Variants in PCDHGB3 observed in about 807,000 individuals in gnomAD.
The protein encoded by PCDHGB3 is protocadherin gamma subfamily B, 3, also known as protocadherin gamma-B3.
A neutral mutation model predicts 59.2 loss-of-function variants in PCDHGB3; 40 were observed. That is an observed-to-expected ratio of 0.68 (90% CI 0.52 to 0.88). PCDHGB3 has a LOEUF of 0.88. PCDHGB3 is among the 40% of genes least tolerant of loss of function. PCDHGB3 has a pLI of 0.00. For missense variants in PCDHGB3, 1,309 were observed against 1,187.9 expected, an observed-to-expected ratio of 1.10 and a Z score of -1.50; for synonymous variants, 581 against 503.6, an observed-to-expected ratio of 1.15 and a Z score of -2.06.
intron 1 of PCDHGB3, chr5:141,395,033 T>G: frequency 6.2e-7 from 1 of 1,614,140 alleles, no homozygotes; most frequent in Non-Finnish European, 8.5e-7. Context: ...CCTCACATTT[T>G]GTGGGTGTTG....
intron 1 of PCDHGB3, chr5:141,422,541 T>G: frequency 6.2e-7 from 1 of 1,613,992 alleles, no homozygotes; most frequent in Non-Finnish European, 8.5e-7. Context: ...CAGAAACTCA[T>G]GTCTGGCTGA....
At position 141,477,284 on chromosome 5, in the gene PCDHGB3, G is replaced by A. The variant is rs751714522; in HGVS notation, c.2416-17523G>A. 5.0e-6 allele frequency: 8 copies of A among 1,614,150 alleles called. No homozygotes were observed. The South Asian group carries it at 6.6e-5, about 13-fold the overall frequency. ...TGGCGAGAACGGGCTGGTGACCTGC[G>A]AAGTTCCACCGGGTCTCCCTTTCAG... On this transcript the variant is annotated intron_variant, in intron 1 of 3. Transcript: ENST00000576222. This position sits in a 1 kb window ranked among gnomAD's most constrained non-coding sequence, Gnocchi z 4.9.
At chr5:141,416,406 T>A (rs2096021956) in intron 1 of PCDHGB3, 1 of 152,224 alleles carries the variant, frequency 6.6e-6, no homozygotes, top group Admixed American at 6.5e-5. Context: ...TTGTCTTTTT[T>A]GTTAAATTTT....
rs1316573600 is a variant in PCDHGB3 at position 141,490,443 on chromosome 5, G to A, written c.2416-4364G>A. The A allele has an allele frequency of 1.2e-6, 2 of 1,614,174 alleles. No individual in the cohort carries two copies. Among genetic ancestry groups the A allele is most frequent in the Non-Finnish European group, 8.5e-7 (1 of 1,180,042 alleles). On this transcript the variant is annotated intron_variant, in intron 1 of 3. Coordinates refer to ENST00000576222, the MANE Select transcript of PCDHGB3 (RefSeq NM_018924.5). The surrounding 1 kb of genome is among the most constrained non-coding windows in gnomAD (Gnocchi z 5.4). ...TGCCATTTCAGATTAAGCCTTCTGA[G>A]AACCACTACTCGCTGCTAACCAGCC...
chr5:141,408,263 C>G, intron 1 of PCDHGB3: 1 of 1,606,854 alleles, frequency 6.2e-7, no homozygotes. Flanking sequence ...ATTTCCTTTG[C>G]TGCTGCCTTT....
intron 1 of PCDHGB3, chr5:141,377,804 G>A (rs1588845842): frequency 6.6e-6 from 1 of 152,230 alleles, no homozygotes; most frequent in Middle Eastern, 3.4e-3. Flanking sequence ...GTAACTATCT[G>A]TTATTTACTT....
chr5:141,414,519 T>C (rs754685087), intron 1 of PCDHGB3: 6 of 1,613,856 alleles, frequency 3.7e-6, no homozygotes, highest in Non-Finnish European at 5.1e-6. Context: ...AAGTGGCAGA[T>C]ATCAATGACA....
rs181480719 is a variant in PCDHGB3, at chr5:141,387,482, G to A, written c.2415+14673G>A. 5.3e-5 allele frequency among the ~76,000 whole-genome samples: 8 copies of A among 152,294 alleles called. No individual in the cohort carries two copies. The East Asian group carries it at 1.5e-3, about 29-fold the overall frequency. On this transcript the variant is annotated intron_variant, in intron 1 of 3. Coordinates refer to ENST00000576222, the MANE Select transcript of PCDHGB3 (RefSeq NM_018924.5). ...AAAAATCCTCAAAGTTGGGATGAAG[G>A]CATTCCTAAGAGTACATTTTTAGAC...
At chr5:141,445,284 C>A (rs2098462533) in intron 1 of PCDHGB3, among the ~76,000 whole-genome samples, 1 of 152,178 alleles carries the variant, frequency 6.6e-6, no homozygotes, top group African/African-American at 2.4e-5. Flanking sequence ...TGCATAAGTT[C>A]AGGCTTCCAT....
rs777133589 is a variant in PCDHGB3, at chr5:141,390,020, C to G, written c.2415+17211C>G. The stretch of plus-strand genomic sequence containing the variant: ...CCATGATTCTGGCCATTGCCTTGCG[C>G]CTGCGACGCTCCTCCAGCCCCGCCT... On this transcript the variant is annotated intron_variant, in intron 1 of 3. Transcript: ENST00000576222. 4 of 1,613,930 alleles carry G rather than the reference C, an allele frequency of 2.5e-6. No homozygotes were observed. The African/African-American group carries it at 5.3e-5, about 22-fold the overall frequency.
intron 1 of PCDHGB3, chr5:141,374,487 A>G: frequency 6.2e-7 from 1 of 1,611,648 alleles, no homozygotes; most frequent in Non-Finnish European, 8.5e-7. Context: ...CGATTCTTAA[A>G]GGAAGAATTG....
chr5:141,490,936 C>T lies in PCDHGB3; in HGVS notation c.2416-3871C>T. 6.2e-7 allele frequency: 1 copy of T among 1,613,694 alleles called. No individual in the cohort carries two copies. On this transcript the variant is annotated intron_variant, in intron 1 of 3. Transcript: ENST00000576222. The surrounding 1 kb of genome is among the most constrained non-coding windows in gnomAD (Gnocchi z 5.4). ...GAATGATAATGCCCCAGCTGTGCTG[C>T]ACCCACGGCCAGACTGGGAACACTC...
At chr5:141,430,751 A>G in intron 1 of PCDHGB3, 1 of 1,496,066 alleles carries the variant, frequency 6.7e-7, no homozygotes, top group Non-Finnish European at 8.9e-7. Context: ...ATTCTGGAGG[A>G]AGATAAGAAT....
intron 1 of PCDHGB3, chr5:141,409,921 G>C (rs767370997): frequency 2.7e-5 from 44 of 1,613,404 alleles, no homozygotes; most frequent in Non-Finnish European, 3.7e-5. Context: ...ACGGCTCCGC[G>C]TTCTTCGATA....
Position 141,415,335 on chromosome 5 carries a change from G to T in PCDHGB3, c.2415+42526G>T, listed in dbSNP as rs779617513. On this transcript the variant is annotated intron_variant, in intron 1 of 3. Coordinates refer to ENST00000576222, the MANE Select transcript of PCDHGB3 (RefSeq NM_018924.5). ...TCATCGTGCTGCTGGCGCACAGGCT[G>T]CGGCGCTGGCACAAGTCACGCCTGC... The T allele has an allele frequency of 4.3e-6, 7 of 1,614,110 alleles. No homozygotes were observed. The Admixed American group carries it at 1.2e-4, about 27-fold the overall frequency.
intron 1 of PCDHGB3, chr5:141,415,086 G>A (rs769093571): frequency 3.1e-6 from 5 of 1,613,554 alleles, no homozygotes; most frequent in South Asian, 1.1e-5. Flanking sequence ...GAGCCCTGCT[G>A]GACAGAGACG....
chr5:141,405,758 G>A (rs533667979), intron 1 of PCDHGB3, among the ~76,000 whole-genome samples: 8 of 152,246 alleles, frequency 5.3e-5, no homozygotes, highest in South Asian at 2.1e-4. Context: ...GATTACAGGC[G>A]TGAGCCACTG....
At chr5:141,450,516 C>T (rs150995579) in intron 1 of PCDHGB3, among the ~76,000 whole-genome samples, 2,020 of 152,024 alleles carry the variant, frequency 0.013, 56 homozygotes, top group African/African-American at 0.046. Context: ...GATGGAGTCT[C>T]ATTCTTGTCA....
chr5:141,486,137 G>A lies in PCDHGB3; in HGVS notation c.2416-8670G>A, dbSNP rs1187526031. 1 of 1,614,074 alleles carries A rather than the reference G, an allele frequency of 6.2e-7. No individual in the cohort carries two copies. On this transcript the variant is annotated intron_variant, in intron 1 of 3. Coordinates refer to ENST00000576222, the MANE Select transcript of PCDHGB3 (RefSeq NM_018924.5). The surrounding 1 kb of genome is among the most constrained non-coding windows in gnomAD (Gnocchi z 5.0). ...GAATTACTATGAATTTGATGTGCGGGCTCGCGATGGGGGTTCTCCAGCCAT... is the reference window on the plus strand; with the variant it reads ...GAATTACTATGAATTTGATGTGCGGACTCGCGATGGGGGTTCTCCAGCCAT...
Sources: allele counts gnomAD v4.1 joint callset (sites outside exome capture counted in the v4.1 genomes callset), GRCh38; gene constraint gnomAD v4.1.1; non-coding constraint Gnocchi (gnomAD v3.1); transcripts MANE v1.5; gene names NCBI Gene and HGNC (gene_info 2026-07-23, HGNC 2026-07-21).